Variants in EGFR observed in about 807,000 individuals in gnomAD.
EGFR encodes the protein avian erythroblastic leukemia viral (v-erb-b) oncogene homolog.
A neutral mutation model predicts 143.0 loss-of-function variants in EGFR; 58 were observed. The observed-to-expected ratio is 0.41, with a 90% CI of 0.33 to 0.50. The LOEUF (loss-of-function observed/expected upper bound fraction) is 0.50. Among genes scored for constraint, EGFR ranks in the 20% least tolerant of loss-of-function variants. The pLI, the probability that EGFR is intolerant of heterozygous loss-of-function variation, is 0.39. For synonymous variants in EGFR, 613 were observed against 594.4 expected (o/e 1.03, Z -0.45); for missense variants, 1,307 against 1,579.0 (o/e 0.83, Z 2.92).
chr7:55,194,894 T>G (rs559790008), intron 22 of EGFR, among the ~76,000 whole-genome samples: 40 of 152,350 alleles, frequency 2.6e-4, no homozygotes, highest in South Asian at 1.2e-3. Context: ...TGTTTAAAAA[T>G]CATATCCTGT....
chr7:55,083,911 G>C (rs756135190), intron 1 of EGFR, among the ~76,000 whole-genome samples: 1 of 152,182 alleles, frequency 6.6e-6, no homozygotes, highest in Non-Finnish European at 1.5e-5. Context: ...TCAAGAGGAA[G>C]GGATTAGAAC....
intron 15 of EGFR, chr7:55,170,756 G>A (rs1451915511): frequency 8.9e-6 from 13 of 1,458,554 alleles, no homozygotes; most frequent in African/African-American, 1.4e-5. Context: ...GAATTTGTCA[G>A]AAACCTGCAG....
intron 15 of EGFR, chr7:55,170,159 G>A (rs1402651225): frequency 1.1e-5 from 16 of 1,401,534 alleles, no homozygotes; most frequent in Non-Finnish European, 1.6e-5. Flanking sequence ...AAAAGAGGGA[G>A]CACCCAGACC....
Position 55,165,556 on chromosome 7 carries a change from A to G in EGFR, c.1880+119A>G, listed in dbSNP as rs1178228341. The G allele has an allele frequency of 2.1e-6, 3 of 1,411,672 alleles. No individual in the cohort carries two copies. In the African/African-American group the frequency reaches 4.3e-5, roughly 20 times the overall value. The allele number at this position is 1,411,672 out of a possible 1,614,324, so 87.4% of individuals were successfully genotyped here. On this transcript the variant is annotated intron_variant, in intron 15 of 27. Coordinates refer to ENST00000275493, the MANE Select transcript of EGFR (RefSeq NM_005228.5). ...GGTTTGTATTTGAGTCAGTTACTTA[A>G]GGTGTTTTGGTCCCCACAGCCATGC...
chr7:55,121,399 G>T (rs17289456), intron 1 of EGFR, among the ~76,000 whole-genome samples: 93 of 152,200 alleles, frequency 6.1e-4, no homozygotes, highest in Non-Finnish European at 1.1e-3. Context: ...CGTTTCAGTG[G>T]CATTGTGTGT....
chr7:55,097,385 C>T (rs571390318), intron 1 of EGFR, among the ~76,000 whole-genome samples: 1 of 152,242 alleles, frequency 6.6e-6, no homozygotes, highest in South Asian at 2.1e-4. Context: ...AAACTTATTC[C>T]CCAGTGTTTT....
intron 19 of EGFR, 86 bp from the exon 20 acceptor site, chr7:55,181,207 A>G: frequency 6.7e-7 from 1 of 1,485,804 alleles, no homozygotes; most frequent in Non-Finnish European, 9.4e-7. Context: ...GATCGCATTC[A>G]TGCGTCTTCA....
intron 1 of EGFR, among the ~76,000 whole-genome samples, chr7:55,034,344 CTG>C (rs1203076664): frequency 6.6e-6 from 1 of 152,228 alleles, no homozygotes; most frequent in East Asian, 1.9e-4. Context: ...AGTGATTCTC[CTG>C]TCTCAGCCCC....
At position 55,150,370 on chromosome 7, in the gene EGFR, C is replaced by T. The variant is rs118102126; in HGVS notation, c.560-924C>T. Among the ~76,000 whole-genome samples, 619 of 152,304 alleles carry T rather than the reference C, an allele frequency of 4.1e-3. 2 individuals are homozygous for T. Among genetic ancestry groups the T allele is most frequent in the Middle Eastern group, 0.024 (7 of 294 alleles). ...ACTGTCGTGATGCCAGCCTCCCCGG[C>T]CTTCATGTCTCTAAGGAGCACCAGC... On this transcript the variant is annotated intron_variant, in intron 4 of 27. Coordinates refer to ENST00000275493, the MANE Select transcript of EGFR (RefSeq NM_005228.5).
rs750768460 is a variant in EGFR at position 55,190,924 on chromosome 7, A to G, written c.2470-795A>G. Among the ~76,000 whole-genome samples the G allele has an allele frequency of 8.4e-4, 128 of 152,170 alleles. 2 individuals are homozygous for G. The highest frequency in any genetic ancestry group is 1.6e-3 in the Non-Finnish European group (107 of 68,028). On this transcript the variant is annotated intron_variant, in intron 20 of 27. Coordinates refer to ENST00000275493, the MANE Select transcript of EGFR (RefSeq NM_005228.5). Reference sequence around the variant, plus strand: ...CAAGGTAGGCATCCGTCAAGCAAGGAGGAGCAGGGGTCAGCAGTGACCCCA... The same window carrying G: ...CAAGGTAGGCATCCGTCAAGCAAGGGGGAGCAGGGGTCAGCAGTGACCCCA...
intron 1 of EGFR, among the ~76,000 whole-genome samples, chr7:55,117,123 T>C (rs997181341): frequency 7.2e-5 from 11 of 152,132 alleles, no homozygotes; most frequent in African/African-American, 2.7e-4. Context: ...GTAGAAAACA[T>C]CTCCTAATTG....
rs2128853486 is a variant in EGFR, at chr7:55,019,341, A to T, written c.64A>T (p.Ser22Cys). 6.6e-7 allele frequency: 1 copy of T among 1,516,986 alleles called. No individual in the cohort carries two copies. Among genetic ancestry groups the T allele is most frequent in the Non-Finnish European group, 8.9e-7 (1 of 1,127,826 alleles). 94.0% of individuals were successfully genotyped at this position (1,516,986 alleles called of 1,614,324 possible). A position where few individuals can be genotyped will look rare whatever the true frequency, so the allele number is the denominator to read the frequency against. The change falls in exon 1 of 28, where the codon AGT (serine) becomes TGT (cysteine). Residue 22 changes from serine to cysteine, a missense_variant. This residue lies in a region of EGFR where 65 missense variants were observed against 37.8 expected (regional missense o/e 1.72). Transcript: ENST00000275493. The part of the protein sequence containing the change: ...LALLAALCPA[S>C]RALEEKKVCQ... ...GCTGCTGGCTGCGCTCTGCCCGGCGAGTCGGGCTCTGGAGGAAAAGAAAGG... is the reference window on the plus strand; with the variant it reads ...GCTGCTGGCTGCGCTCTGCCCGGCGTGTCGGGCTCTGGAGGAAAAGAAAGG...
In EGFR at chr7:55,181,441, C is replaced by G. The variant is rs1378775962; in HGVS notation, c.2432C>G (p.Ser811Cys). The change falls in exon 20 of 28, where the codon TCC becomes TGC. Residue 811 changes from serine (S) to cysteine (C), a missense_variant. Ser to Cys is a moderately radical substitution (Grantham distance 112). Around this residue, in one of 7 missense-constraint regions of EGFR, gnomAD observed 348 missense variants for 451.5 expected, o/e 0.77. Transcript: ENST00000275493. ...YVREHKDNIG[S>C]QYLLNWCVQI... is the part of the protein sequence containing the mutation. ...CGGGAACACAAAGACAATATTGGCT[C>G]CCAGTACCTGCTCAACTGGTGTGTG... 1.2e-6 allele frequency: 2 copies of G among 1,614,226 alleles called. No homozygotes were observed. Among genetic ancestry groups the G allele is most frequent in the Non-Finnish European group, 1.7e-6 (2 of 1,180,040 alleles).
chr7:55,142,202 A>G, intron 1 of EGFR, 84 bp from the exon 2 acceptor site: 2 of 1,553,452 alleles, frequency 1.3e-6, no homozygotes, highest in Non-Finnish European at 8.9e-7. Context: ...TGCTACCCTT[A>G]ATACCTGGAC....
At chr7:55,160,024 C>A in intron 11 of EGFR, 115 bp from the exon 12 acceptor site, 1 of 1,113,252 alleles carries the variant, frequency 9.0e-7, no homozygotes, top group Non-Finnish European at 1.3e-6. Flanking sequence ...GCATGACCTA[C>A]CATCATTGGA....
chr7:55,116,350 C>T (rs897821698), intron 1 of EGFR, among the ~76,000 whole-genome samples: 5 of 152,164 alleles, frequency 3.3e-5, no homozygotes, highest in Non-Finnish European at 7.3e-5. Flanking sequence ...TCCAGTTGCA[C>T]CAAGCACCCC....
chr7:55,136,636 G>A (rs1794159374), intron 1 of EGFR, among the ~76,000 whole-genome samples: 1 of 152,148 alleles, frequency 6.6e-6, no homozygotes, highest in African/African-American at 2.4e-5. Flanking sequence ...AAGATTTTTT[G>A]ACTTTACGAT....
rs552937755 is a variant in EGFR at position 55,086,957 on chromosome 7, T to G, written c.89-55329T>G. 2.0e-5 allele frequency among the ~76,000 whole-genome samples: 3 copies of G among 152,306 alleles called. No individual in the cohort carries two copies. The East Asian group carries it at 5.8e-4, about 29-fold the overall frequency. ...ACAACACTATCTTAATATTTCTCTT[T>G]TCTGCAGGCAGGAAATGAGAAGTCA... On this transcript the variant is annotated intron_variant, in intron 1 of 27. Transcript: ENST00000275493.
intron 1 of EGFR, among the ~76,000 whole-genome samples, chr7:55,063,885 A>G (rs150690021): frequency 6.6e-5 from 10 of 152,324 alleles, no homozygotes; most frequent in Non-Finnish European, 1.0e-4. Context: ...AAATGAGTAC[A>G]GTCATTCTTA....
Sources: gnomAD v4.1 joint callset for allele counts (sites outside exome capture counted in the v4.1 genomes callset) on GRCh38, gnomAD v4.1.1 for gene constraint, gnomAD v4.1.1 regional missense constraint, MANE v1.5 for transcripts, NCBI Gene and HGNC (gene_info 2026-07-23, HGNC 2026-07-21) for gene names.